Variants in C12orf42 observed in about 807,000 individuals in gnomAD.
C12orf42 encodes chromosome 12 open reading frame 42.
C12orf42 carries 25 observed loss-of-function variants against 21.6 expected under a neutral mutation model. That is an observed-to-expected ratio of 1.16 (90% confidence interval 0.84 to 1.62). C12orf42 has a LOEUF of 1.62. Ranked by LOEUF, C12orf42 falls within the 40% of genes most tolerant of loss-of-function variation. C12orf42 has a pLI of 0.00. For missense variants in C12orf42, 483 were observed against 459.3 expected (o/e 1.05, Z -0.47); for synonymous variants, 174 against 175.0 (o/e 0.99, Z 0.05).
At chr12:103,470,151 T>C (rs142762955) in intron 2 of C12orf42, among the ~76,000 whole-genome samples, 128 of 152,326 alleles carry the variant, frequency 8.4e-4, no homozygotes, top group African/African-American at 2.9e-3. Flanking sequence ...TGCTTTAAAA[T>C]GCAGAAAGAA....
At chr12:103,303,668 G>C (rs1237624954) in intron 5 of C12orf42, among the ~76,000 whole-genome samples, 1 of 152,164 alleles carries the variant, frequency 6.6e-6, no homozygotes, top group Admixed American at 6.5e-5. Flanking sequence ...ATCGAACTCT[G>C]TTCTATGCCT....
chr12:103,111,154 C>T, the C12orf42 span, among the ~76,000 whole-genome samples: 1 of 152,044 alleles, frequency 6.6e-6, no homozygotes, highest in Admixed American at 6.5e-5. Flanking sequence ...TCCCTTTAAA[C>T]CAATTCCAAA....
the C12orf42 span, among the ~76,000 whole-genome samples, chr12:103,543,903 GT>G: frequency 9.7e-6 from 1 of 103,450 alleles, no homozygotes; most frequent in South Asian, 3.7e-4. Context: ...TTTGTTTTTT[GT>G]TTTTTTTGAG....
At chr12:103,288,672 G>T (rs923328201) in intron 4 of C12orf42, among the ~76,000 whole-genome samples, 12 of 152,082 alleles carry the variant, frequency 7.9e-5, no homozygotes, top group African/African-American at 2.9e-4. Context: ...ACGTGTAAAA[G>T]ATTTTGCCCT....
At chr12:103,294,583 GGAAA>G (rs60577440) in intron 4 of C12orf42, among the ~76,000 whole-genome samples, 7,574 of 79,870 alleles carry the variant, frequency 0.095, 286 homozygotes, top group Middle Eastern at 0.14. Flanking sequence ...AAGGAAGGAA[GGAAA>G]GAAAGAAAGA....
At chr12:103,214,556 C>G in the C12orf42 span, among the ~76,000 whole-genome samples, 1 of 151,522 alleles carries the variant, frequency 6.6e-6, no homozygotes, top group Non-Finnish European at 1.5e-5. Context: ...GGCCAACAAG[C>G]TGTGATTTTA....
chr12:103,160,681 C>T, the C12orf42 span, among the ~76,000 whole-genome samples: 12 of 152,180 alleles, frequency 7.9e-5, no homozygotes, highest in Non-Finnish European at 1.8e-4. Context: ...TGAATCCCAG[C>T]CCATACTTCC....
the C12orf42 span, among the ~76,000 whole-genome samples, chr12:103,099,163 G>T: frequency 6.6e-6 from 1 of 152,226 alleles, no homozygotes; most frequent in Non-Finnish European, 1.5e-5. Context: ...AGGGCTGTGA[G>T]TTGAAATATG....
the C12orf42 span, among the ~76,000 whole-genome samples, chr12:103,123,363 T>C: frequency 3.3e-5 from 5 of 152,110 alleles, no homozygotes; most frequent in Non-Finnish European, 5.9e-5. Context: ...CTTTAGGAGA[T>C]GGCAGGAACT....
At chr12:103,152,170 T>G in the C12orf42 span, among the ~76,000 whole-genome samples, 1 of 152,142 alleles carries the variant, frequency 6.6e-6, no homozygotes, top group Non-Finnish European at 1.5e-5. Flanking sequence ...TGGAAGAGAA[T>G]CAAGAGCTCC....
At chr12:103,208,929 C>A in the C12orf42 span, among the ~76,000 whole-genome samples, 1 of 152,144 alleles carries the variant, frequency 6.6e-6, no homozygotes, top group African/African-American at 2.4e-5. Context: ...TTTTTCTAAT[C>A]TCCTCATTTT....
At chr12:103,531,246 T>C in the C12orf42 span, among the ~76,000 whole-genome samples, 1 of 152,238 alleles carries the variant, frequency 6.6e-6, no homozygotes, top group Admixed American at 6.5e-5. Context: ...AGCTAACTTT[T>C]AGGCTGGGCA....
intron 3 of C12orf42, among the ~76,000 whole-genome samples, chr12:103,375,828 A>G (rs1025177584): frequency 3.3e-5 from 5 of 152,192 alleles, no homozygotes; most frequent in Admixed American, 3.3e-4. Flanking sequence ...GCTAAGCCTT[A>G]CATTCTCATA....
At chr12:103,073,292 A>C in the C12orf42 span, among the ~76,000 whole-genome samples, 1 of 152,174 alleles carries the variant, frequency 6.6e-6, no homozygotes, top group Non-Finnish European at 1.5e-5. Flanking sequence ...AAGTTTACCT[A>C]TGTAACAAAC....
chr12:103,052,136 A>G, the C12orf42 span, among the ~76,000 whole-genome samples: 1 of 152,188 alleles, frequency 6.6e-6, no homozygotes, highest in Non-Finnish European at 1.5e-5. Flanking sequence ...AATTATTAAA[A>G]ATAATGCTGC....
chr12:103,412,418 C>T (rs1593885536), intron 2 of C12orf42, among the ~76,000 whole-genome samples: 1 of 152,304 alleles, frequency 6.6e-6, no homozygotes, highest in East Asian at 1.9e-4. Flanking sequence ...CCTGTAATCC[C>T]AGCACTTTGG....
chr12:103,456,310 A>C, intron 2 of C12orf42: 1 of 152,116 alleles, frequency 6.6e-6, no homozygotes, highest in East Asian at 1.9e-4. Flanking sequence ...TAAGCAAGAA[A>C]GGGGGAAAAA....
intron 10 of C12orf42, among the ~76,000 whole-genome samples, chr12:103,250,914 C>A (rs1367125156): frequency 6.6e-6 from 1 of 151,488 alleles, no homozygotes; most frequent in East Asian, 1.9e-4. Flanking sequence ...GTGTGTCTGT[C>A]TGAATGAGTC....
At chr12:103,196,834 A>G in the C12orf42 span, among the ~76,000 whole-genome samples, 3 of 152,078 alleles carry the variant, frequency 2.0e-5, no homozygotes, top group Non-Finnish European at 4.4e-5. Context: ...GGTCTCATGA[A>G]GATAATATAC....
Sources: allele counts gnomAD v4.1 joint callset (sites outside exome capture counted in the v4.1 genomes callset), GRCh38; gene constraint gnomAD v4.1.1; transcripts MANE v1.5; gene names NCBI Gene and HGNC (gene_info 2026-07-23, HGNC 2026-07-21).